Variants in NEBL observed in about 807,000 individuals in gnomAD.
NEBL encodes nebulette, also known as LIM and SH3 protein 2.
Under a neutral mutation model 140.2 loss-of-function variants are expected in NEBL, and 122 were observed. The observed-to-expected ratio is 0.87, with a 90% CI of 0.75 to 1.01. NEBL has a LOEUF of 1.01. Ranked by LOEUF, NEBL falls within the 50% of genes least tolerant of loss-of-function variation. The pLI is 0.00. For synonymous variants in NEBL, 436 were observed against 398.9 expected, an observed-to-expected ratio of 1.09 and a Z score of -1.11; for missense variants, 1,365 against 1,231.3, an observed-to-expected ratio of 1.11 and a Z score of -1.62.
In NEBL at chr10:20,889,872, T is replaced by C. The variant is rs1564424299; in HGVS notation, c.231A>G (p.Val77=). 1 of 1,612,850 alleles carries C rather than the reference T, an allele frequency of 6.2e-7. No individual in the cohort carries two copies. The highest frequency in any genetic ancestry group is 8.5e-7 in the Non-Finnish European group (1 of 1,178,918). ...CAGAAATAAAAGCACCGATATTTTT[T>C]ACATGGTTTAGCATAGGACTGTCAG... ...FVTDSPMLNH[V]KNIGAFISEA... The change falls in exon 3 of 28, where the codon GTA becomes GTG. Residue 77 remains valine, a synonymous_variant. Coordinates refer to ENST00000377122, the MANE Select transcript of NEBL (RefSeq NM_006393.3).
intron 3 of NEBL, among the ~76,000 whole-genome samples, chr10:21,240,675 C>T (rs766206199): frequency 8.6e-5 from 13 of 152,046 alleles, no homozygotes; most frequent in South Asian, 2.1e-4. Flanking sequence ...TATTTAATAT[C>T]GTTACAAGTT....
chr10:20,928,186 G>C (rs990987662), intron 4 of NEBL, among the ~76,000 whole-genome samples: 13 of 152,194 alleles, frequency 8.5e-5, no homozygotes, highest in Admixed American at 2.6e-4. Context: ...ACTTGGTACA[G>C]TTGAAAAAGT....
At position 20,787,193 on chromosome 10, in the gene NEBL, G is replaced by A. The variant is rs377236750; in HGVS notation, c.2868+9C>T. The A allele has an allele frequency of 2.5e-5, 40 of 1,591,246 alleles. No individual in the cohort carries two copies. In the African/African-American group the frequency reaches 4.7e-4, roughly 19 times the overall value. On this transcript the variant is annotated intron_variant, in intron 27 of 27. Transcript: ENST00000377122. ...CAGCTAAGGAGGAACGTATCAAATGGACACTTACTAGATTTGGTGAATGCT... is the reference window on the plus strand; with the variant it reads ...CAGCTAAGGAGGAACGTATCAAATGAACACTTACTAGATTTGGTGAATGCT...
chr10:21,138,163 C>A (rs541851888), intron 2 of NEBL, among the ~76,000 whole-genome samples: 47 of 152,196 alleles, frequency 3.1e-4, no homozygotes, highest in African/African-American at 1.1e-3. Flanking sequence ...CAGTAGAAAC[C>A]AAAACAGTCT....
chr10:20,928,404 A>G (rs1169318043), intron 4 of NEBL, among the ~76,000 whole-genome samples: 1 of 152,226 alleles, frequency 6.6e-6, no homozygotes, highest in Non-Finnish European at 1.5e-5. Flanking sequence ...AGGCTATGCC[A>G]TCACTTGCAG....
chr10:21,054,134 G>A (rs761647911), intron 2 of NEBL, among the ~76,000 whole-genome samples: 8 of 152,146 alleles, frequency 5.3e-5, no homozygotes, highest in Non-Finnish European at 7.4e-5. Context: ...TTGCAAAAAT[G>A]TGTTTCAAAT....
At chr10:20,877,506 A>G (rs1845612113) in intron 5 of NEBL, among the ~76,000 whole-genome samples, 2 of 152,222 alleles carry the variant, frequency 1.3e-5, no homozygotes, top group African/African-American at 2.4e-5. Flanking sequence ...TCTAACAAAG[A>G]GCAGCCTGTA....
chr10:20,979,100 A>T (rs1427098522), intron 3 of NEBL, among the ~76,000 whole-genome samples: 1 of 152,188 alleles, frequency 6.6e-6, no homozygotes, highest in Non-Finnish European at 1.5e-5. Context: ...GGATAAATAT[A>T]GAATATGAAA....
chr10:20,883,525 C>T (rs2131334327), intron 4 of NEBL, among the ~76,000 whole-genome samples: 1 of 152,320 alleles, frequency 6.6e-6, no homozygotes, highest in African/African-American at 2.4e-5. Flanking sequence ...CGTGTTTTAA[C>T]TCAGAGGTAG....
chr10:20,860,778 G>A (rs1485797149), intron 7 of NEBL, among the ~76,000 whole-genome samples: 1 of 151,982 alleles, frequency 6.6e-6, no homozygotes, highest in East Asian at 1.9e-4. Flanking sequence ...GCTCTGCTTT[G>A]CAGAAGACTT....
chr10:21,269,445 CAACA>C (rs1219679455), intron 1 of NEBL, among the ~76,000 whole-genome samples: 1 of 152,194 alleles, frequency 6.6e-6, no homozygotes, highest in Non-Finnish European at 1.5e-5. Flanking sequence ...TCGATGAGCA[CAACA>C]AACAGAGTTG....
intron 2 of NEBL, among the ~76,000 whole-genome samples, chr10:21,133,762 G>A (rs1839222915): frequency 6.6e-6 from 1 of 152,138 alleles, no homozygotes; most frequent in Non-Finnish European, 1.5e-5. Flanking sequence ...GGGTTTGGTT[G>A]GGTGATGTGG....
At chr10:20,831,802 G>A (rs533750279) in intron 14 of NEBL, among the ~76,000 whole-genome samples, 1 of 151,858 alleles carries the variant, frequency 6.6e-6, no homozygotes, top group Non-Finnish European at 1.5e-5. Context: ...CAGCTAATCT[G>A]AATTAAGAAG....
intron 24 of NEBL, among the ~76,000 whole-genome samples, chr10:20,810,217 T>G (rs906333768): frequency 3.3e-5 from 5 of 152,186 alleles, no homozygotes; most frequent in Non-Finnish European, 7.3e-5. Flanking sequence ...GGCAGCTATA[T>G]GCATCCCCTC....
chr10:21,006,925 G>A (rs947170732), intron 3 of NEBL, among the ~76,000 whole-genome samples: 4 of 152,150 alleles, frequency 2.6e-5, no homozygotes, highest in African/African-American at 9.7e-5. Flanking sequence ...CAGGTGTTGG[G>A]TGGGGAAAGA....
chr10:21,075,555 C>T (rs529478237), intron 2 of NEBL, among the ~76,000 whole-genome samples: 3 of 152,286 alleles, frequency 2.0e-5, no homozygotes, highest in African/African-American at 4.8e-5. Flanking sequence ...CCTTGCTGAG[C>T]CAAATCCTTC....
At chr10:21,156,891 T>C (rs1193282004) in intron 2 of NEBL, among the ~76,000 whole-genome samples, 1 of 152,186 alleles carries the variant, frequency 6.6e-6, no homozygotes, top group Non-Finnish European at 1.5e-5. Flanking sequence ...CCCCTTCTTT[T>C]TAAAATAAAA....
intron 2 of NEBL, among the ~76,000 whole-genome samples, chr10:21,166,241 A>AG (rs947321718): frequency 8.7e-5 from 9 of 103,342 alleles, no homozygotes; most frequent in African/African-American, 4.0e-4. Context: ...AAAAAAAAAA[A>AG]AAAAGAAAAG....
At chr10:20,907,516 C>A (rs145265253) in intron 4 of NEBL, among the ~76,000 whole-genome samples, 1 of 152,074 alleles carries the variant, frequency 6.6e-6, no homozygotes, top group Non-Finnish European at 1.5e-5. Context: ...AGTGAAATAT[C>A]TTCCATCGAT....
Sources: gnomAD v4.1 joint callset for allele counts (sites outside exome capture counted in the v4.1 genomes callset) on GRCh38, gnomAD v4.1.1 for gene constraint, MANE v1.5 for transcripts, NCBI Gene and HGNC (gene_info 2026-07-23, HGNC 2026-07-21) for gene names.